ABCG2: variants seen among roughly 807,000 people sequenced by gnomAD.
The protein encoded by ABCG2 is ATP binding cassette subfamily G member 2 (JR blood group).
A neutral mutation model predicts 73.5 loss-of-function variants in ABCG2; 80 were observed. That is an observed-to-expected ratio of 1.09 (90% confidence interval 0.91 to 1.31). The LOEUF (loss-of-function observed/expected upper bound fraction) is 1.31, where lower values mean the gene tolerates loss of function less well. Ranked by LOEUF, ABCG2 falls within the 50% of genes most tolerant of loss-of-function variation. ABCG2 has a pLI of 0.00. For synonymous variants in ABCG2, 269 were observed against 282.4 expected (o/e 0.95, Z 0.48); for missense variants, 796 against 786.2 (o/e 1.01, Z -0.15).
At chr4:88,206,095 C>T (rs1729366675) in intron 1 of ABCG2, among the ~76,000 whole-genome samples, 1 of 152,224 alleles carries the variant, frequency 6.6e-6, no homozygotes, top group Non-Finnish European at 1.5e-5. Flanking sequence ...AATCTTTATT[C>T]TAGAACTATC....
At chr4:88,126,846 A>T (rs970154808) in intron 5 of ABCG2, among the ~76,000 whole-genome samples, 3 of 152,238 alleles carry the variant, frequency 2.0e-5, no homozygotes, top group Non-Finnish European at 4.4e-5. Context: ...AGCTGGAAGC[A>T]TTCCCTTTGA....
chr4:88,132,006 T>C, intron 3 of ABCG2, 89 bp from the exon 4 acceptor site: 1 of 798,060 alleles, frequency 1.3e-6, no homozygotes, highest in Non-Finnish European at 2.0e-6. Flanking sequence ...ACATGCTATA[T>C]ATCTCATGGC....
intron 5 of ABCG2, among the ~76,000 whole-genome samples, chr4:88,128,741 G>C (rs1281543910): frequency 6.6e-6 from 1 of 152,094 alleles, no homozygotes; most frequent in African/African-American, 2.4e-5. Context: ...TGGACACAGG[G>C]AGTGGAACAT....
chr4:88,131,175 G>C lies in ABCG2; in HGVS notation c.417C>G (p.Asn139Lys). ...VVMGTLTVRENLQFSAALRLA... is the reference protein window; with the variant it reads ...VVMGTLTVREKLQFSAALRLA... ...GCCGAAGAGCTGCTGAGAACTGTAA[G>C]TTTTCTCTCACCGTCAGAGTGCCCA... The change falls in exon 5 of 16, where the codon AAC (asparagine) becomes AAG (lysine). Residue 139 changes from asparagine to lysine, a missense_variant. Physicochemically the swap from Asn to Lys is moderately conservative, Grantham distance 94. Coordinates refer to ENST00000237612, the MANE Select transcript of ABCG2 (RefSeq NM_004827.3). 1 of 1,614,002 alleles carries C rather than the reference G, an allele frequency of 6.2e-7. No homozygotes were observed. Among genetic ancestry groups the C allele is most frequent in the Non-Finnish European group, 8.5e-7 (1 of 1,179,946 alleles).
chr4:88,118,478 C>T (rs1392778726), intron 6 of ABCG2, among the ~76,000 whole-genome samples: 1 of 152,154 alleles, frequency 6.6e-6, no homozygotes, highest in African/African-American at 2.4e-5. Context: ...TATTGACAAT[C>T]TAGAATCAAC....
chr4:88,210,295 C>T (rs1321981536), intron 1 of ABCG2, among the ~76,000 whole-genome samples: 1 of 152,150 alleles, frequency 6.6e-6, no homozygotes, highest in Non-Finnish European at 1.5e-5. Context: ...GCTCAAGCAA[C>T]CTTCCCACCT....
intron 1 of ABCG2, among the ~76,000 whole-genome samples, chr4:88,191,579 A>G (rs1728696435): frequency 1.4e-5 from 1 of 71,228 alleles, no homozygotes; most frequent in South Asian, 8.6e-4. Flanking sequence ...CGTATGTTTA[A>G]CATATGAATC....
chr4:88,145,878 T>C (rs754728830), intron 1 of ABCG2, among the ~76,000 whole-genome samples: 15 of 152,174 alleles, frequency 9.9e-5, no homozygotes, highest in East Asian at 1.9e-4. Context: ...GAGATTGCAG[T>C]GTGCTAAGAT....
intron 7 of ABCG2, among the ~76,000 whole-genome samples, chr4:88,115,957 G>A (rs1723550260): frequency 6.6e-6 from 1 of 152,152 alleles, no homozygotes; most frequent in Non-Finnish European, 1.5e-5. Flanking sequence ...CACTTCGGGA[G>A]GCCGAGACCA....
chr4:88,215,726 T>G (rs997699928), intron 1 of ABCG2, among the ~76,000 whole-genome samples: 2 of 152,226 alleles, frequency 1.3e-5, no homozygotes, highest in African/African-American at 4.8e-5. Flanking sequence ...TGCTTTGATC[T>G]GCTGTGCCCC....
chr4:88,219,132 AGTTAAAT>A (rs1729915968), intron 1 of ABCG2, among the ~76,000 whole-genome samples: 1 of 152,246 alleles, frequency 6.6e-6, no homozygotes, highest in Non-Finnish European at 1.5e-5. Flanking sequence ...ACTGCTTTGA[AGTTAAAT>A]GTTCAGTTTG....
intron 1 of ABCG2, among the ~76,000 whole-genome samples, chr4:88,219,710 C>T (rs1729943254): frequency 6.6e-6 from 1 of 150,756 alleles, no homozygotes; most frequent in Non-Finnish European, 1.5e-5. Flanking sequence ...GCCTCCCCAG[C>T]AGCTGGGACT....
rs768358315 is a variant in ABCG2 at position 88,121,668 on chromosome 4, C to T, written c.656G>A (p.Ser219Asn). The change falls in exon 6 of 16, where the codon AGC (serine) becomes AAC (asparagine). Residue 219 changes from serine to asparagine, a missense_variant. By Grantham distance (46) the Ser-to-Asn change is conservative (BLOSUM62 1). Coordinates refer to ENST00000237612, the MANE Select transcript of ABCG2 (RefSeq NM_004827.3). ...GAGCAAAAGGACAGCATTTGCTGTG[C>T]TTGAGTCTAAGCCAGTTGTAGGCTC... The part of the protein sequence containing the change: ...LDEPTTGLDS[S>N]TANAVLLLLK... 3 of 1,613,916 alleles carry T rather than the reference C, an allele frequency of 1.9e-6. No homozygotes were observed. Among genetic ancestry groups the T allele is most frequent in the African/African-American group, 2.7e-5 (2 of 74,926 alleles).
chr4:88,222,108 G>A (rs928553185), intron 1 of ABCG2, among the ~76,000 whole-genome samples: 5 of 152,226 alleles, frequency 3.3e-5, no homozygotes, highest in Non-Finnish European at 5.9e-5. Context: ...GGCTAAAGGG[G>A]CCAACGTATA....
upstream of ABCG2, among the ~76,000 whole-genome samples, chr4:88,159,814 T>C (rs1041501089): frequency 3.9e-5 from 6 of 152,230 alleles, no homozygotes; most frequent in African/African-American, 1.4e-4. Flanking sequence ...CCGCATGCTT[T>C]TTAAAAGAAT....
intron 12 of ABCG2, among the ~76,000 whole-genome samples, chr4:88,097,887 A>T (rs988666171): frequency 6.6e-6 from 1 of 152,168 alleles, no homozygotes; most frequent in Non-Finnish European, 1.5e-5. Context: ...CCAAAATTCA[A>T]CTGCCTTCTC....
chr4:88,151,529 G>C (rs905186816), intron 1 of ABCG2, among the ~76,000 whole-genome samples: 8 of 152,162 alleles, frequency 5.3e-5, no homozygotes, highest in Non-Finnish European at 7.3e-5. Flanking sequence ...ACGAGGTCAG[G>C]AGATCAAGAC....
At chr4:88,118,284 T>A (rs773924180) in intron 6 of ABCG2, 24 bp from the exon 7 acceptor site, 7 of 1,608,850 alleles carry the variant, frequency 4.4e-6, no homozygotes, top group Non-Finnish European at 5.9e-6. Context: ...GAGACAATAC[T>A]AAGTCATTAA....
intron 10 of ABCG2, among the ~76,000 whole-genome samples, 185 bp downstream of exon 10, chr4:88,106,999 G>A (rs1398113509): frequency 5.3e-5 from 8 of 152,160 alleles, no homozygotes; most frequent in Non-Finnish European, 1.0e-4. Context: ...CTGAGATCGC[G>A]TCACTGCACT....
Sources: gnomAD v4.1 joint callset for allele counts (sites outside exome capture counted in the v4.1 genomes callset) on GRCh38, gnomAD v4.1.1 for gene constraint, MANE v1.5 for transcripts, NCBI Gene and HGNC (gene_info 2026-07-23, HGNC 2026-07-21) for gene names.